BAHCC1: variants seen among roughly 807,000 people sequenced by gnomAD.
BAHCC1 encodes the protein BAH and coiled-coil domain-containing protein 1.
Under a neutral mutation model 88.2 loss-of-function variants are expected in BAHCC1, and 43 were observed. The observed-to-expected ratio is 0.49, with a 90% CI of 0.38 to 0.63. The LOEUF (loss-of-function observed/expected upper bound fraction) is 0.63. Among genes scored for constraint, BAHCC1 ranks in the 20% least tolerant of loss-of-function variants. The probability of loss-of-function intolerance (pLI) is 0.00; values close to 1 mark genes in which losing one functional copy is unlikely to be tolerated. For missense variants in BAHCC1, 3,023 were observed against 1,654.8 expected (o/e 1.83, Z -14.34); for synonymous variants, 1,510 against 745.5 (o/e 2.03, Z -16.71).
chr17:81,439,002 A>G (rs1289342081), intron 4 of BAHCC1, among the ~76,000 whole-genome samples: 1 of 152,044 alleles, frequency 6.6e-6, no homozygotes, highest in Non-Finnish European at 1.5e-5. Context: ...CCTGGTGGAC[A>G]GAGGGGCTGC....
chr17:81,409,058 AAGTT>A (rs1314476791), intron 2 of BAHCC1, among the ~76,000 whole-genome samples: 2 of 152,282 alleles, frequency 1.3e-5, no homozygotes, highest in East Asian at 1.9e-4. Context: ...TGGGAAAACT[AAGTT>A]AGGAGGTGGC....
Position 81,461,914 on chromosome 17 carries a change from A to G in BAHCC1, c.7251A>G (p.Lys2417=), listed in dbSNP as rs1568039594. 1.3e-6 allele frequency: 1 copy of G among 748,842 alleles called. No individual in the cohort carries two copies. The highest frequency in any genetic ancestry group is 2.5e-6 in the Non-Finnish European group (1 of 403,180). 46.4% of individuals were successfully genotyped at this position (748,842 alleles called of 1,614,324 possible). A position where few individuals can be genotyped will look rare whatever the true frequency, so the allele number is the denominator to read the frequency against. Reference sequence around the variant, plus strand: ...GCAGCAAATCCAAGCTCAAGCGCAAAGAGGCCCTGAGCTTCTCCAAAGCCA... The same window carrying G: ...GCAGCAAATCCAAGCTCAAGCGCAAGGAGGCCCTGAGCTTCTCCAAAGCCA... ...SSSSKSKLKR[K]EALSFSKAKE... The change falls in exon 26 of 28, where the codon AAA becomes AAG. Residue 2417 remains lysine, a synonymous_variant. Transcript: ENST00000675386.
chr17:81,399,914 A>G lies in BAHCC1; in HGVS notation c.175A>G (p.Thr59Ala), dbSNP rs782359257. ...GTCGCCGTTGCCCATGGCTTCGCAC[A>G]CAGGTCAGTGCTCGGCCGGGGCGGG... ...FPSPLPMASHTASSRLMGSSP... is the reference protein window; with the variant it reads ...FPSPLPMASHAASSRLMGSSP... Residue 59 changes from threonine to alanine, a missense_variant, in exon 2 of 28, where the codon ACA becomes GCA. Transcript: ENST00000675386. This position sits in a 1 kb window ranked among gnomAD's most constrained non-coding sequence, Gnocchi z 4.5. 7.5e-5 allele frequency: 108 copies of G among 1,439,364 alleles called. No individual in the cohort carries two copies. Among genetic ancestry groups the G allele is most frequent in the Admixed American group, 3.5e-4 (13 of 36,758 alleles). The allele number at this position is 1,439,364 out of a possible 1,614,324, so 89.2% of individuals were successfully genotyped here. A position where few individuals can be genotyped will look rare whatever the true frequency, so the allele number is the denominator to read the frequency against.
In BAHCC1 at chr17:81,442,344, C is replaced by A; in HGVS notation, c.995C>A (p.Pro332Gln). The A allele has an allele frequency of 1.4e-6, 1 of 696,492 alleles. No individual in the cohort carries two copies. Among genetic ancestry groups the A allele is most frequent in the East Asian group, 2.7e-5 (1 of 36,954 alleles). The allele number at this position is 696,492 out of a possible 1,614,324, so 43.1% of individuals were successfully genotyped here. Residue 332 changes from proline (P) to glutamine (Q), a missense_variant, in exon 5 of 28, where the codon CCG (proline) becomes CAG (glutamine). Coordinates refer to ENST00000675386, the MANE Select transcript of BAHCC1 (RefSeq NM_001377448.1). ...KEAAGPPEPG[P>Q]AFSECLERRQ... ...GCAGCAGGCCCCCCGGAGCCCGGGC[C>A]GGCCTTCAGCGAGTGCCTGGAGCGG...
chr17:81,421,942 C>T (rs1555649629), intron 2 of BAHCC1: 6 of 429,098 alleles, frequency 1.4e-5, no homozygotes, highest in South Asian at 6.6e-5. Flanking sequence ...CAGCTGTGCC[C>T]AGAAGTGGTC....
At chr17:81,415,394 G>A (rs1250202317) in intron 2 of BAHCC1, 6 of 349,090 alleles carry the variant, frequency 1.7e-5, no homozygotes, top group Non-Finnish European at 1.7e-5. Flanking sequence ...TGTGAACCAC[G>A]CCTTGAGACA....
At chr17:81,410,485 G>C (rs1484935735) in intron 2 of BAHCC1, among the ~76,000 whole-genome samples, 3 of 152,234 alleles carry the variant, frequency 2.0e-5, no homozygotes, top group African/African-American at 7.2e-5. Context: ...GCAGGGGCTT[G>C]CATGGTTTTG....
At position 81,461,269 on chromosome 17, in the gene BAHCC1, G is replaced by A. The variant is rs782562358; in HGVS notation, c.6606G>A (p.Ala2202=). 5.3e-5 allele frequency: 37 copies of A among 700,450 alleles called. No homozygotes were observed. Among genetic ancestry groups the A allele is most frequent in the South Asian group, 5.1e-4 (33 of 64,478 alleles). The allele number at this position is 700,450 out of a possible 1,614,324, so 43.4% of individuals were successfully genotyped here. ...CCGAGAAGGGTGGGCGGCGGCGGGC[G>A]GGCGGTGAGTTCCTGGTCAAGCTGG... The part of the protein sequence containing the change: ...VEAEKGGRRR[A]GGEFLVKLDH... Residue 2202 remains alanine (A), a synonymous_variant, in exon 26 of 28, where the codon GCG becomes GCA. Coordinates refer to ENST00000675386, the MANE Select transcript of BAHCC1 (RefSeq NM_001377448.1).
At chr17:81,446,334 C>T (rs903341706) in intron 10 of BAHCC1, among the ~76,000 whole-genome samples, 9 of 151,246 alleles carry the variant, frequency 6.0e-5, no homozygotes, top group Non-Finnish European at 1.2e-4. Context: ...ATGCTGCCGG[C>T]TTGTTCTGGT....
intron 2 of BAHCC1, among the ~76,000 whole-genome samples, chr17:81,403,468 C>A (rs2063841256): frequency 7.6e-6 from 1 of 131,658 alleles, no homozygotes; most frequent in African/African-American, 2.8e-5. Flanking sequence ...AAAGTGCTTC[C>A]TACCGCCAAT....
rs117681222 is a variant in BAHCC1 at position 81,457,605 on chromosome 17, G to A, written c.5041+13G>A. On this transcript the variant is annotated intron_variant, in intron 17 of 27. Transcript: ENST00000675386. ...CAGGGGTTGCTAGGTAACCAGGAGGGAGGACAGGGGTTGCTAGGTAACCAG... is the reference window on the plus strand; with the variant it reads ...CAGGGGTTGCTAGGTAACCAGGAGGAAGGACAGGGGTTGCTAGGTAACCAG... The A allele has an allele frequency of 0.064, 45,726 of 709,608 alleles. 1,855 individuals are homozygous for A. Among genetic ancestry groups the A allele is most frequent in the Middle Eastern group, 0.09 (302 of 3,348 alleles). The allele number at this position is 709,608 out of a possible 1,614,324, so 44.0% of individuals were successfully genotyped here.
chr17:81,424,941 G>A (rs2064158228), intron 2 of BAHCC1, among the ~76,000 whole-genome samples: 2 of 150,148 alleles, frequency 1.3e-5, no homozygotes, highest in Admixed American at 6.6e-5. Context: ...GGTGCTGATA[G>A]TGGTGGGTGA....
At chr17:81,449,275 C>A (rs1392966149) in intron 11 of BAHCC1, among the ~76,000 whole-genome samples, 1 of 152,154 alleles carries the variant, frequency 6.6e-6, no homozygotes, top group Non-Finnish European at 1.5e-5. Flanking sequence ...CATGGTCCCC[C>A]CCTGGGCCCC....
chr17:81,459,135 C>T lies in BAHCC1; in HGVS notation c.5687C>T (p.Ala1896Val), dbSNP rs782128349. 1.2e-5 allele frequency: 9 copies of T among 770,270 alleles called. No homozygotes were observed. Among genetic ancestry groups the T allele is most frequent in the South Asian group, 4.1e-5 (3 of 73,354 alleles). 47.7% of individuals were successfully genotyped at this position (770,270 alleles called of 1,614,324 possible). A position where few individuals can be genotyped will look rare whatever the true frequency, so the allele number is the denominator to read the frequency against. Reference protein sequence around the residue: ...LIPKEDSLLYAGSVRTLQPPD... With the variant: ...LIPKEDSLLYVGSVRTLQPPD... Reference sequence around the variant, plus strand: ...CCCAAGGAGGATAGCCTGCTGTACGCGGGCAGCGTCAGGACCCTGCAGCCA... The same window carrying T: ...CCCAAGGAGGATAGCCTGCTGTACGTGGGCAGCGTCAGGACCCTGCAGCCA... Residue 1896 changes from alanine to valine, a missense_variant, in exon 21 of 28, where the codon GCG becomes GTG. By Grantham distance (64) the Ala-to-Val change is moderately conservative. Coordinates refer to ENST00000675386, the MANE Select transcript of BAHCC1 (RefSeq NM_001377448.1).
In BAHCC1 at chr17:81,411,570, T is replaced by C. The variant is rs2063954753; in HGVS notation, c.178+11653T>C. On this transcript the variant is annotated intron_variant, in intron 2 of 27. Transcript: ENST00000675386. The surrounding 1 kb of genome is among the most constrained non-coding windows in gnomAD (Gnocchi z 6.2). ...TTCCTTCCTTCCTTCCTTCCTTCCTTCCTTGAGAGGCCTCTCTACCCAGCA... is the reference window on the plus strand; with the variant it reads ...TTCCTTCCTTCCTTCCTTCCTTCCTCCCTTGAGAGGCCTCTCTACCCAGCA... The C allele has an allele frequency of 2.4e-6, 1 of 415,542 alleles. No homozygotes were observed. Among genetic ancestry groups the C allele is most frequent in the Non-Finnish European group, 4.7e-6 (1 of 212,656 alleles). 25.7% of individuals were successfully genotyped at this position (415,542 alleles called of 1,614,324 possible). A position where few individuals can be genotyped will look rare whatever the true frequency, so the allele number is the denominator to read the frequency against.
chr17:81,445,665 C>T lies in BAHCC1; in HGVS notation c.3147C>T (p.Ile1049=), dbSNP rs1555654166. The T allele has an allele frequency of 1.6e-5, 12 of 730,434 alleles. No individual in the cohort carries two copies. The East Asian group carries it at 2.4e-4, about 14-fold the overall frequency. 45.2% of individuals were successfully genotyped at this position (730,434 alleles called of 1,614,324 possible). The change falls in exon 10 of 28, where the codon ATC becomes ATT. Residue 1049 remains isoleucine (I), a synonymous_variant. Transcript: ENST00000675386. The stretch of plus-strand genomic sequence containing the variant: ...AGGGTCAGCAGTCCACGGCCGACAT[C>T]ATCACATCCGAACCAGGTGAGAGTA... ...NGEGQQSTAD[I]ITSEPDLPPG... is the part of the protein sequence containing the mutation.
rs2064249211 is a variant in BAHCC1, at chr17:81,430,604, G to C, written c.358+3625G>C. Among the ~76,000 whole-genome samples, 3 of 152,316 alleles carry C rather than the reference G, an allele frequency of 2.0e-5. No individual in the cohort carries two copies. In the South Asian group the frequency reaches 6.2e-4, roughly 32 times the overall value. On this transcript the variant is annotated intron_variant, in intron 3 of 27. Coordinates refer to ENST00000675386, the MANE Select transcript of BAHCC1 (RefSeq NM_001377448.1). ...TCTCAGGACTCGCTGGTGCTGCTGG[G>C]AGTGAGCAGGAGCTGGGACCACATC...
intron 10 of BAHCC1, 136 bp from the exon 11 acceptor site, chr17:81,446,900 C>T (rs1470149867): frequency 8.9e-6 from 6 of 673,894 alleles, no homozygotes; most frequent in African/African-American, 7.0e-5. Flanking sequence ...ACCAGTCTTG[C>T]AGACCTGCAG....
chr17:81,459,363 C>T (rs190832786), intron 22 of BAHCC1, 35 bp downstream of exon 22: 2 of 770,410 alleles, frequency 2.6e-6, no homozygotes, highest in East Asian at 4.9e-5. Flanking sequence ...GGGGAGGGGC[C>T]TGGCTGGCTT....
Sources: gnomAD v4.1 joint callset for allele counts (sites outside exome capture counted in the v4.1 genomes callset) on GRCh38, gnomAD v4.1.1 for gene constraint, Gnocchi (gnomAD v3.1) non-coding constraint, MANE v1.5 for transcripts, NCBI Gene and HGNC (gene_info 2026-07-23, HGNC 2026-07-21) for gene names.